The following CDH12 variants were observed in gnomAD, a reference collection of about 807,000 sequenced individuals.
The protein encoded by CDH12 is cadherin-12.
In CDH12, 41 loss-of-function variants were observed where a neutral mutation model predicts 74.1. That is an observed-to-expected ratio of 0.55 (90% confidence interval 0.43 to 0.72). The LOEUF (loss-of-function observed/expected upper bound fraction) is 0.72. CDH12 is among the 30% of genes least tolerant of loss of function. CDH12 has a pLI of 0.00. For synonymous variants in CDH12, 399 were observed against 355.0 expected, an observed-to-expected ratio of 1.12 and a Z score of -1.39; for missense variants, 945 against 977.2, an observed-to-expected ratio of 0.97 and a Z score of 0.44.
intron 1 of CDH12, among the ~76,000 whole-genome samples, chr5:22,611,503 G>C (rs1342989958): frequency 6.6e-6 from 1 of 152,048 alleles, no homozygotes; most frequent in Non-Finnish European, 1.5e-5. Flanking sequence ...GTTTAACAAA[G>C]GGAAAGGTTT....
chr5:22,360,623 C>CA (rs949171738), intron 3 of CDH12, among the ~76,000 whole-genome samples: 24 of 151,496 alleles, frequency 1.6e-4, no homozygotes, highest in African/African-American at 2.2e-4. Context: ...AGAGACACAA[C>CA]AAAAAAAAGA....
intron 2 of CDH12, among the ~76,000 whole-genome samples, chr5:22,421,552 G>C (rs755688588): frequency 6.6e-6 from 1 of 152,122 alleles, no homozygotes; most frequent in Non-Finnish European, 1.5e-5. Flanking sequence ...ATTCCATGGT[G>C]TATATGTGCC....
chr5:22,618,866 G>A (rs908282749), intron 1 of CDH12, among the ~76,000 whole-genome samples: 3 of 151,874 alleles, frequency 2.0e-5, no homozygotes, highest in East Asian at 1.9e-4. Context: ...TAAGTCTCAC[G>A]AGATCTGATG....
intron 3 of CDH12, among the ~76,000 whole-genome samples, chr5:22,256,389 G>A (rs999151730): frequency 3.3e-5 from 5 of 152,094 alleles, no homozygotes; most frequent in African/African-American, 7.2e-5. Flanking sequence ...CTGTGGTGAC[G>A]CTGGTGCAAA....
rs1472897467 is a variant in CDH12, at chr5:22,853,084, AGCAGCAGCACCGACGGCC to A, written c.-567_-550del. On this transcript the variant is annotated 5_prime_UTR_variant, in exon 1 of 15. Coordinates refer to ENST00000382254, the MANE Select transcript of CDH12 (RefSeq NM_004061.5). ...TGATGGCAGAAAAGGCAGCTGCAGG[AGCAGCAGCACCGACGGCC>A]GCAGCAGGGTGCCAACAGCTCAGCC... The A allele has an allele frequency of 6.6e-6, 1 of 152,306 alleles. No individual in the cohort carries two copies. The highest frequency in any genetic ancestry group is 2.4e-5 in the African/African-American group (1 of 41,462). 9.4% of individuals were successfully genotyped at this position (152,306 alleles called of 1,614,324 possible).
intron 3 of CDH12, among the ~76,000 whole-genome samples, chr5:22,312,878 A>T (rs1402699930): frequency 6.6e-6 from 1 of 152,188 alleles, no homozygotes; most frequent in Non-Finnish European, 1.5e-5. Context: ...ATATAACAAG[A>T]ATATATTTTC....
chr5:22,397,196 C>G lies in CDH12; in HGVS notation c.-333+8061G>C, dbSNP rs185416191. Among the ~76,000 whole-genome samples the G allele has an allele frequency of 1.5e-3, 230 of 152,132 alleles. 2 individuals carry two copies. Among genetic ancestry groups the G allele is most frequent in the Non-Finnish European group, 2.4e-3 (162 of 67,994 alleles). ...ACGTGGCAGATTCCACAAATATTCTCTCAAATAATCATGGCAAAGTCTCTT... is the reference window on the plus strand; with the variant it reads ...ACGTGGCAGATTCCACAAATATTCTGTCAAATAATCATGGCAAAGTCTCTT... On this transcript the variant is annotated intron_variant, in intron 3 of 14. Coordinates refer to ENST00000382254, the MANE Select transcript of CDH12 (RefSeq NM_004061.5).
intron 6 of CDH12, among the ~76,000 whole-genome samples, chr5:21,959,933 A>G (rs1304429939): frequency 6.6e-6 from 1 of 150,382 alleles, no homozygotes; most frequent in Non-Finnish European, 1.5e-5. Flanking sequence ...TCAAAAAAAA[A>G]AAAAAAAAAA....
intron 8 of CDH12, among the ~76,000 whole-genome samples, chr5:21,817,517 CATAGATAGATG>C (rs552625139): frequency 0.01 from 1,568 of 151,602 alleles, 23 homozygotes; most frequent in African/African-American, 0.033. Flanking sequence ...GTTATAGATA[CATAGATAGATG>C]ATAGATAGAT....
intron 4 of CDH12, among the ~76,000 whole-genome samples, chr5:22,137,802 G>T (rs5018086): frequency 6.8e-6 from 1 of 147,840 alleles, no homozygotes; most frequent in Non-Finnish European, 1.5e-5. Flanking sequence ...AACAAAACTG[G>T]GCCCCATGGA....
chr5:22,264,081 C>T (rs1753621140), intron 3 of CDH12, among the ~76,000 whole-genome samples: 1 of 151,194 alleles, frequency 6.6e-6, no homozygotes, highest in Admixed American at 6.6e-5. Context: ...TTTATTTACT[C>T]TATTATATAT....
intron 4 of CDH12, among the ~76,000 whole-genome samples, chr5:22,180,141 G>A (rs1322758952): frequency 6.6e-6 from 1 of 152,046 alleles, no homozygotes. Context: ...TGCAAACATG[G>A]ATCACATCAT....
chr5:22,267,881 G>A (rs1366059146), intron 3 of CDH12, among the ~76,000 whole-genome samples: 1 of 152,028 alleles, frequency 6.6e-6, no homozygotes, highest in Non-Finnish European at 1.5e-5. Context: ...TAGACTACCT[G>A]GCTTCTTTTG....
intron 1 of CDH12, among the ~76,000 whole-genome samples, chr5:22,586,022 T>A (rs1164590713): frequency 6.6e-6 from 1 of 152,164 alleles, no homozygotes; most frequent in East Asian, 1.9e-4. Context: ...ATCATGCTGC[T>A]ATAAAGACAC....
At chr5:22,817,262 T>A (rs1001504009) in intron 1 of CDH12, among the ~76,000 whole-genome samples, 3 of 152,130 alleles carry the variant, frequency 2.0e-5, no homozygotes, top group African/African-American at 7.2e-5. Flanking sequence ...TTTGTCAGAA[T>A]CATGAATGTA....
Position 22,359,539 on chromosome 5 carries a change from T to C in CDH12, c.-333+45718A>G, listed in dbSNP as rs553367983. On this transcript the variant is annotated intron_variant, in intron 3 of 14. Transcript: ENST00000382254. ...AGATCAACGAGACAGAAAGTTAATA[T>C]GGATATCCAGGAATTGAACTCGGCT... 2.9e-3 allele frequency among the ~76,000 whole-genome samples: 440 copies of C among 152,004 alleles called. 1 individual carries two copies. Among genetic ancestry groups the C allele is most frequent in the Non-Finnish European group, 4.9e-3 (331 of 67,910 alleles).
chr5:22,477,301 T>C (rs1299482790), intron 2 of CDH12, among the ~76,000 whole-genome samples: 4 of 152,176 alleles, frequency 2.6e-5, no homozygotes, highest in Non-Finnish European at 5.9e-5. Context: ...TATGTTCTCA[T>C]CATTTAGCCC....
At chr5:21,909,349 A>G (rs1295178640) in intron 6 of CDH12, among the ~76,000 whole-genome samples, 3 of 151,990 alleles carry the variant, frequency 2.0e-5, no homozygotes, top group African/African-American at 4.8e-5. Flanking sequence ...GCTACCTCAA[A>G]CCCTTGCCAG....
rs530180637 is a variant in CDH12 at position 22,416,099 on chromosome 5, G to A, written c.-427-10748C>T. Among the ~76,000 whole-genome samples, 39 of 103,142 alleles carry A rather than the reference G, an allele frequency of 3.8e-4. 2 individuals carry two copies. Among genetic ancestry groups the A allele is most frequent in the African/African-American group, 1.4e-3 (37 of 25,640 alleles). The allele number at this position is 103,142 out of a possible 152,430, so 67.7% of individuals were successfully genotyped here. ...TTTTTTTTTTTTTTTTTTTGAGACG[G>A]AGTCTCGCTCTGTGGCCCAGGCGGG... On this transcript the variant is annotated intron_variant, in intron 2 of 14. Coordinates refer to ENST00000382254, the MANE Select transcript of CDH12 (RefSeq NM_004061.5).
Sources: allele counts gnomAD v4.1 joint callset (sites outside exome capture counted in the v4.1 genomes callset), GRCh38; gene constraint gnomAD v4.1.1; transcripts MANE v1.5; gene names NCBI Gene and HGNC (gene_info 2026-07-23, HGNC 2026-07-21).